The following PRTFDC1 variants were observed in gnomAD, a reference collection of about 807,000 sequenced individuals.
PRTFDC1 encodes the protein phosphoribosyl transferase domain containing 1.
In PRTFDC1, 38 loss-of-function variants were observed where a neutral mutation model predicts 34.6. The observed-to-expected ratio is 1.10, with a 90% CI of 0.85 to 1.44. PRTFDC1 has a LOEUF of 1.44. Ranked by LOEUF, PRTFDC1 falls within the 40% of genes most tolerant of loss-of-function variation. The pLI is 0.00. For synonymous variants in PRTFDC1, 93 were observed against 98.1 expected (o/e 0.95, Z 0.31); for missense variants, 270 against 283.0 (o/e 0.95, Z 0.33).
At chr10:24,941,225 T>C (rs12218997) in intron 2 of PRTFDC1, among the ~76,000 whole-genome samples, 20,363 of 149,300 alleles carry the variant, frequency 0.14, 1,620 homozygotes, top group South Asian at 0.22. Flanking sequence ...GACTAATGTT[T>C]TTTATTTTTT....
At chr10:24,882,061 G>T (rs954190260) in intron 3 of PRTFDC1, among the ~76,000 whole-genome samples, 17 of 151,914 alleles carry the variant, frequency 1.1e-4, no homozygotes, top group African/African-American at 3.6e-4. Flanking sequence ...ACAAAAATTA[G>T]CCAGGTGTGG....
Position 24,920,608 on chromosome 10 carries a change from T to C in PRTFDC1, c.339+16576A>G, listed in dbSNP as rs183587838. Among the ~76,000 whole-genome samples, 5 of 152,284 alleles carry C rather than the reference T, an allele frequency of 3.3e-5. No individual in the cohort carries two copies. The East Asian group carries it at 7.7e-4, about 24-fold the overall frequency. ...GCTTAATACCTAGGTGATGGGTTGA[T>C]AGATGCAGCAAATCACCATGGCACA... On this transcript the variant is annotated intron_variant, in intron 3 of 8. Transcript: ENST00000320152.
intron 3 of PRTFDC1, among the ~76,000 whole-genome samples, chr10:24,914,144 A>G (rs759678710): frequency 6.6e-6 from 1 of 152,226 alleles, no homozygotes; most frequent in Non-Finnish European, 1.5e-5. Context: ...ACCAAGACTC[A>G]AAATCATATA....
chr10:24,902,307 T>C (rs557762218), intron 3 of PRTFDC1, among the ~76,000 whole-genome samples: 9 of 152,266 alleles, frequency 5.9e-5, no homozygotes, highest in Admixed American at 5.9e-4. Flanking sequence ...CATAGAGCTG[T>C]GGACGGATGC....
chr10:24,878,852 G>T (rs564398795), intron 3 of PRTFDC1, among the ~76,000 whole-genome samples: 2 of 152,114 alleles, frequency 1.3e-5, no homozygotes, highest in South Asian at 2.1e-4. Context: ...GAGTCAGAGC[G>T]CAACTTGCTT....
chr10:24,859,090 G>A (rs1022950074), intron 4 of PRTFDC1, among the ~76,000 whole-genome samples: 3 of 152,196 alleles, frequency 2.0e-5, no homozygotes, highest in African/African-American at 7.2e-5. Flanking sequence ...TCGAGGCGGG[G>A]CCTGGTGGGA....
At chr10:24,939,239 T>C (rs1251483310) in intron 2 of PRTFDC1, among the ~76,000 whole-genome samples, 1 of 147,710 alleles carries the variant, frequency 6.8e-6, no homozygotes, top group Non-Finnish European at 1.5e-5. Context: ...AGGCGGAGGT[T>C]GCAGTAAGCC....
chr10:24,914,602 G>A (rs1848668829), intron 3 of PRTFDC1, among the ~76,000 whole-genome samples: 2 of 152,094 alleles, frequency 1.3e-5, no homozygotes, highest in African/African-American at 4.8e-5. Context: ...TACATGCTAC[G>A]ATCTGGTTTG....
At chr10:24,948,053 AACTCATTAC>A (rs1351548196) in intron 1 of PRTFDC1, among the ~76,000 whole-genome samples, 1 of 152,124 alleles carries the variant, frequency 6.6e-6, no homozygotes, top group Non-Finnish European at 1.5e-5. Context: ...ACAGAAGGAA[AACTCATTAC>A]CACCTAGTAG....
At chr10:24,859,985 T>A (rs1005251591) in intron 4 of PRTFDC1, among the ~76,000 whole-genome samples, 7 of 152,232 alleles carry the variant, frequency 4.6e-5, no homozygotes, top group African/African-American at 1.7e-4. Context: ...ACTGTTAATA[T>A]GCCATCCCAG....
At chr10:24,902,335 A>G (rs1283532144) in intron 3 of PRTFDC1, among the ~76,000 whole-genome samples, 1 of 152,142 alleles carries the variant, frequency 6.6e-6, no homozygotes, top group Non-Finnish European at 1.5e-5. Flanking sequence ...TCACTATTAC[A>G]GGGCCCCACT....
intron 8 of PRTFDC1, among the ~76,000 whole-genome samples, chr10:24,850,821 T>C (rs1847473414): frequency 1.3e-5 from 2 of 152,158 alleles, no homozygotes; most frequent in Admixed American, 1.3e-4. Context: ...CTGAACACAC[T>C]CAGTCTCTGT....
At chr10:24,872,548 C>T (rs111373461) in intron 3 of PRTFDC1, among the ~76,000 whole-genome samples, 22 of 152,022 alleles carry the variant, frequency 1.4e-4, no homozygotes, top group African/African-American at 3.1e-4. Context: ...GATCCAGCCC[C>T]TCATCTGACA....
chr10:24,937,042 G>A (rs982566591), intron 3 of PRTFDC1, 142 bp downstream of exon 3: 57 of 772,490 alleles, frequency 7.4e-5, no homozygotes, highest in Non-Finnish European at 1.0e-4. Flanking sequence ...TTAGGTTGCC[G>A]TATTCTTGCA....
At chr10:24,876,277 AT>A (rs924130454) in intron 3 of PRTFDC1, among the ~76,000 whole-genome samples, 31 of 150,084 alleles carry the variant, frequency 2.1e-4, no homozygotes, top group Non-Finnish European at 2.8e-4. Flanking sequence ...ACTTTTGTAC[AT>A]TTTTTTTTTC....
intron 2 of PRTFDC1, among the ~76,000 whole-genome samples, chr10:24,940,780 T>A (rs576277381): frequency 2.6e-5 from 4 of 152,274 alleles, no homozygotes; most frequent in Non-Finnish European, 5.9e-5. Context: ...AAATGGGACA[T>A]CCAAATGTAC....
At chr10:24,913,033 G>A (rs1383168192) in intron 3 of PRTFDC1, among the ~76,000 whole-genome samples, 4 of 152,146 alleles carry the variant, frequency 2.6e-5, no homozygotes, top group Non-Finnish European at 4.4e-5. Context: ...AATCAGATTT[G>A]ACAATCCAGT....
intron 3 of PRTFDC1, among the ~76,000 whole-genome samples, chr10:24,899,154 A>T (rs553793873): frequency 6.6e-6 from 1 of 152,274 alleles, no homozygotes; most frequent in East Asian, 1.9e-4. Flanking sequence ...CCAAGGGGCC[A>T]TGTGGATCTC....
intron 4 of PRTFDC1, among the ~76,000 whole-genome samples, chr10:24,866,702 G>T (rs1305372665): frequency 6.6e-6 from 1 of 151,960 alleles, no homozygotes; most frequent in East Asian, 1.9e-4. Context: ...ATCATTGAGG[G>T]CTCACTTTAT....
Sources: gnomAD v4.1 joint callset for allele counts (sites outside exome capture counted in the v4.1 genomes callset) on GRCh38, gnomAD v4.1.1 for gene constraint, MANE v1.5 for transcripts, NCBI Gene and HGNC (gene_info 2026-07-23, HGNC 2026-07-21) for gene names.